The following ATP8B4 variants were observed in gnomAD, a reference collection of about 807,000 sequenced individuals.
ATP8B4 encodes the protein probable phospholipid-transporting ATPase IM.
ATP8B4 carries 133 observed loss-of-function variants against 145.6 expected under a neutral mutation model. That is an observed-to-expected ratio of 0.91 (90% CI 0.79 to 1.05). The LOEUF is 1.05. ATP8B4 is among the 50% of genes least tolerant of loss of function. ATP8B4 has a pLI of 0.00. For synonymous variants in ATP8B4, 507 were observed against 492.9 expected (o/e 1.03, Z -0.38); for missense variants, 1,458 against 1,425.2 (o/e 1.02, Z -0.37).
rs768908975 is a variant in ATP8B4, at chr15:49,972,618, T to C, written c.1207A>G (p.Thr403Ala). The C allele has an allele frequency of 2.5e-6, 4 of 1,613,854 alleles. No individual in the cohort carries two copies. Among genetic ancestry groups the C allele is most frequent in the African/African-American group, 2.7e-5 (2 of 74,986 alleles). Residue 403 changes from threonine to alanine, a missense_variant, in exon 13 of 28, where the codon ACC becomes GCC. Physicochemically the swap from Thr to Ala is moderately conservative, Grantham distance 58 (BLOSUM62 0). Coordinates refer to ENST00000284509, the MANE Select transcript of ATP8B4 (RefSeq NM_024837.4). ...KTGTLTQNIM[T>A]FKRCSINGRI... ...CCATTAATGGAACATCTTTTAAAGG[T>C]CATGATGTTTTGAGTGAGGGTACCC...
chr15:50,018,857 C>T, intron 6 of ATP8B4: 2 of 980,388 alleles, frequency 2.0e-6, no homozygotes, highest in Non-Finnish European at 2.8e-6. Flanking sequence ...AATATCTCTA[C>T]TCTCTGAAGC....
At chr15:50,145,205 G>A (rs11070751) in intron 1 of ATP8B4, among the ~76,000 whole-genome samples, 34,314 of 152,056 alleles carry the variant, frequency 0.23, 4,558 homozygotes, top group East Asian at 0.41. Flanking sequence ...AAATAAAGAG[G>A]TAAAGTGCAT....
intron 13 of ATP8B4, among the ~76,000 whole-genome samples, chr15:49,965,608 G>A (rs1022110210): frequency 6.6e-6 from 1 of 152,120 alleles, no homozygotes; most frequent in Non-Finnish European, 1.5e-5. Context: ...ACAAGAAGTG[G>A]GTATTAATGA....
intron 1 of ATP8B4, among the ~76,000 whole-genome samples, chr15:50,109,330 C>A (rs1248703871): frequency 6.6e-6 from 1 of 152,154 alleles, no homozygotes; most frequent in African/African-American, 2.4e-5. Flanking sequence ...GAGTTTTCAT[C>A]CATGAAGGAC....
At position 50,073,019 on chromosome 15, in the gene ATP8B4, T is replaced by TACACACACAC. The variant is rs373934302; in HGVS notation, c.87+1098_87+1107dup. Among the ~76,000 whole-genome samples the TACACACACAC allele has an allele frequency of 1.7e-3, 56 of 32,434 alleles. 1 individual carries two copies. The highest frequency in any genetic ancestry group is 5.1e-3 in the East Asian group (4 of 786). The allele number at this position is 32,434 out of a possible 152,430, so 21.3% of individuals were successfully genotyped here. ...ATATATATATATATATATATATATA[T>TACACACACAC]ACACACACACACACACACACACACA... On this transcript the variant is annotated intron_variant, in intron 3 of 27. Coordinates refer to ENST00000284509, the MANE Select transcript of ATP8B4 (RefSeq NM_024837.4).
chr15:49,929,427 G>C (rs2041047202), intron 16 of ATP8B4, among the ~76,000 whole-genome samples: 2 of 152,060 alleles, frequency 1.3e-5, no homozygotes, highest in African/African-American at 4.8e-5. Flanking sequence ...ATTATAGAAA[G>C]AACTATAGTT....
At chr15:49,924,804 AC>A (rs2040566388) in intron 16 of ATP8B4, among the ~76,000 whole-genome samples, 2 of 152,040 alleles carry the variant, frequency 1.3e-5, no homozygotes, top group African/African-American at 4.8e-5. Context: ...TCTAGCTCTA[AC>A]CCCTACATTG....
intron 20 of ATP8B4, among the ~76,000 whole-genome samples, chr15:49,916,311 C>T (rs10519246): frequency 0.23 from 34,747 of 151,974 alleles, 5,676 homozygotes; most frequent in African/African-American, 0.46. Flanking sequence ...TCAGCACTTA[C>T]GTATTTTCTG....
chr15:50,048,386 A>T (rs1380759526), intron 3 of ATP8B4, among the ~76,000 whole-genome samples: 2 of 152,166 alleles, frequency 1.3e-5, no homozygotes, highest in African/African-American at 2.4e-5. Context: ...TTAAAATGTC[A>T]GAATGTCGTT....
chr15:50,120,879 C>T (rs1432858828), upstream of ATP8B4, among the ~76,000 whole-genome samples: 1 of 152,152 alleles, frequency 6.6e-6, no homozygotes, highest in Non-Finnish European at 1.5e-5. Flanking sequence ...GGTGACTATG[C>T]AAGCTCCTAC....
intron 17 of ATP8B4, among the ~76,000 whole-genome samples, chr15:49,921,011 A>C (rs1294872971): frequency 6.6e-6 from 1 of 152,158 alleles, no homozygotes; most frequent in African/African-American, 2.4e-5. Context: ...GTAAATAATA[A>C]ATGAATAAAT....
chr15:49,961,396 A>T (rs888665394), intron 14 of ATP8B4, among the ~76,000 whole-genome samples: 3 of 152,214 alleles, frequency 2.0e-5, no homozygotes, highest in African/African-American at 7.2e-5. Flanking sequence ...TGCAATATTT[A>T]TCAAATTACA....
chr15:49,934,235 T>C, intron 14 of ATP8B4, 53 bp from the exon 15 acceptor site: 1 of 1,534,942 alleles, frequency 6.5e-7, no homozygotes, highest in South Asian at 1.2e-5. Flanking sequence ...CCAATAATTA[T>C]CTTTTAAAAT....
At chr15:49,888,062 G>A (rs533781691) in intron 23 of ATP8B4, among the ~76,000 whole-genome samples, 5 of 152,086 alleles carry the variant, frequency 3.3e-5, no homozygotes, top group Non-Finnish European at 7.4e-5. Context: ...AAAAACATTT[G>A]TCATTTAAAG....
rs772047758 is a variant in ATP8B4, at chr15:49,934,047, G to C, written c.1423C>G (p.His475Asp). The stretch of plus-strand genomic sequence containing the variant: ...CTATTCTCTTCTGACATTACAGTGT[G>C]GCAGAGAGCAAGTAACCTAAGGAAT... The part of the protein sequence containing the change: ...HEFLRLLALC[H>D]TVMSEENSAG... Residue 475 changes from histidine (H) to aspartate (D), a missense_variant, in exon 15 of 28, where the codon CAC (histidine) becomes GAC (aspartate). His to Asp is a moderately conservative substitution (Grantham distance 81). Transcript: ENST00000284509. 3.8e-5 allele frequency: 61 copies of C among 1,612,170 alleles called. No homozygotes were observed. The highest frequency in any genetic ancestry group is 2.5e-6 in the Non-Finnish European group (3 of 1,178,994).
intron 2 of ATP8B4, 31 bp from the exon 3 acceptor site, chr15:50,074,216 A>C: frequency 6.4e-7 from 1 of 1,574,680 alleles, no homozygotes; most frequent in Non-Finnish European, 8.7e-7. Flanking sequence ...TATGAAATTA[A>C]ATTGTAGGCC....
intron 2 of ATP8B4, among the ~76,000 whole-genome samples, chr15:50,100,887 C>CTGTCAATTAACTAATTAATG (rs899652243): frequency 6.6e-6 from 1 of 152,118 alleles, no homozygotes; most frequent in Non-Finnish European, 1.5e-5. Flanking sequence ...CATCAAAAAA[C>CTGTCAATTAACTAATTAATG]TGTCAATTAA....
At chr15:49,909,256 C>G (rs2038964781) in intron 20 of ATP8B4, among the ~76,000 whole-genome samples, 1 of 152,156 alleles carries the variant, frequency 6.6e-6, no homozygotes, top group African/African-American at 2.4e-5. Flanking sequence ...CTCCCAGAGA[C>G]TGGAAGACAG....
intron 9 of ATP8B4, among the ~76,000 whole-genome samples, chr15:49,994,529 G>A (rs955821593): frequency 1.3e-5 from 2 of 152,054 alleles, no homozygotes; most frequent in African/African-American, 4.8e-5. Flanking sequence ...AGATCCCTGT[G>A]TAGCTTACAC....
Sources: allele counts gnomAD v4.1 joint callset (sites outside exome capture counted in the v4.1 genomes callset), GRCh38; gene constraint gnomAD v4.1.1; transcripts MANE v1.5; gene names NCBI Gene and HGNC (gene_info 2026-07-23, HGNC 2026-07-21).